The following BRD10 variants were observed in gnomAD, a reference collection of about 807,000 sequenced individuals.
The protein encoded by BRD10 is uncharacterized bromodomain-containing protein 10.
chr9:5,923,725 AT>A, the BRD10 span, among the ~76,000 whole-genome samples: 1 of 152,210 alleles, frequency 6.6e-6, no homozygotes, highest in Admixed American at 6.5e-5. Context: ...TCTCCAATCT[AT>A]TCTATTTCTA....
chr9:5,922,220 G>A, the BRD10 span: 240 of 1,613,988 alleles, frequency 1.5e-4, 1 homozygote, highest in East Asian at 5.3e-3. Flanking sequence ...AGAATCAGCA[G>A]TCTGTTGTGC....
the BRD10 span, among the ~76,000 whole-genome samples, chr9:5,903,097 A>C: frequency 6.6e-6 from 1 of 151,916 alleles, no homozygotes; most frequent in African/African-American, 2.4e-5. Flanking sequence ...TGTTATGTAG[A>C]AGTGTGTTGT....
At chr9:5,922,609 C>A in the BRD10 span, 1 of 1,613,964 alleles carries the variant, frequency 6.2e-7, no homozygotes, top group African/African-American at 1.3e-5. Context: ...CTGTACCTTT[C>A]TGTTGAAGTG....
the BRD10 span, chr9:5,967,925 T>C: frequency 2.6e-6 from 2 of 767,232 alleles, no homozygotes; most frequent in Non-Finnish European, 2.1e-6. Context: ...ACATGTGCAT[T>C]TTACTCTCTC....
the BRD10 span, chr9:5,968,383 C>T: frequency 6.2e-7 from 1 of 1,611,742 alleles, no homozygotes; most frequent in Non-Finnish European, 8.5e-7. Context: ...CGTATTTTTC[C>T]TGATTTTCTA....
chr9:5,907,620 T>C, the BRD10 span, among the ~76,000 whole-genome samples: 1 of 152,270 alleles, frequency 6.6e-6, no homozygotes, highest in African/African-American at 2.4e-5. Context: ...AGATTAATTT[T>C]ACATGTTTCT....
the BRD10 span, among the ~76,000 whole-genome samples, chr9:5,892,780 T>C: frequency 6.6e-6 from 1 of 152,214 alleles, no homozygotes; most frequent in Non-Finnish European, 1.5e-5. Context: ...GGTTGGATCT[T>C]GCCATTTTTG....
the BRD10 span, among the ~76,000 whole-genome samples, chr9:5,895,966 T>C: frequency 6.6e-6 from 1 of 152,150 alleles, no homozygotes; most frequent in Non-Finnish European, 1.5e-5. Flanking sequence ...AGCACAGGCA[T>C]GTTGGGAGTT....
At chr9:5,924,933 T>C in the BRD10 span, 3 of 954,202 alleles carry the variant, frequency 3.1e-6, no homozygotes, top group African/African-American at 1.7e-5. Flanking sequence ...AAACTACATA[T>C]GGAAATATTT....
the BRD10 span, among the ~76,000 whole-genome samples, chr9:5,941,622 C>A: frequency 6.6e-6 from 1 of 152,054 alleles, no homozygotes; most frequent in South Asian, 2.1e-4. Context: ...TTCACATTAA[C>A]CATAAACAAA....
the BRD10 span, chr9:5,968,973 C>T: frequency 4.1e-5 from 66 of 1,609,460 alleles, no homozygotes; most frequent in Non-Finnish European, 4.7e-5. Context: ...AAAGGTAGTT[C>T]GTGAAAAGGT....
At chr9:5,917,347 T>C in the BRD10 span, among the ~76,000 whole-genome samples, 10 of 152,192 alleles carry the variant, frequency 6.6e-5, no homozygotes, top group African/African-American at 2.4e-4. Context: ...TCAAGTGTCT[T>C]GAATTTTCTA....
chr9:5,988,378 T>C, the BRD10 span: 1 of 1,613,802 alleles, frequency 6.2e-7, no homozygotes, highest in Non-Finnish European at 8.5e-7. Context: ...CTGTTCTTCC[T>C]GTCTCAAAAC....
At chr9:6,007,731 C>A in the BRD10 span, 1 of 1,599,502 alleles carries the variant, frequency 6.3e-7, no homozygotes, top group Non-Finnish European at 8.5e-7. Context: ...CCGCCGGTGG[C>A]GGCCGCTCTT....
At chr9:5,962,047 T>G in the BRD10 span, among the ~76,000 whole-genome samples, 4 of 152,312 alleles carry the variant, frequency 2.6e-5, no homozygotes, top group Admixed American at 2.6e-4. Flanking sequence ...CTCTTGCTTT[T>G]CTAGTTCTTT....
the BRD10 span, chr9:5,968,621 T>C: frequency 6.2e-7 from 1 of 1,613,842 alleles, no homozygotes; most frequent in Non-Finnish European, 8.5e-7. Context: ...TTCCTGCTCT[T>C]TCTTGAAGGA....
the BRD10 span, among the ~76,000 whole-genome samples, chr9:5,928,147 C>T: frequency 6.6e-6 from 1 of 152,040 alleles, no homozygotes; most frequent in Non-Finnish European, 1.5e-5. Flanking sequence ...TCATCTTTTT[C>T]ATTCCTCACT....
chr9:5,961,609 A>G, the BRD10 span, among the ~76,000 whole-genome samples: 2 of 152,098 alleles, frequency 1.3e-5, no homozygotes, highest in Non-Finnish European at 2.9e-5. Flanking sequence ...GCCAGGACAT[A>G]TTTTTCTTTT....
the BRD10 span, chr9:5,922,811 A>G: frequency 1.2e-6 from 2 of 1,614,004 alleles, no homozygotes; most frequent in Non-Finnish European, 1.7e-6. Flanking sequence ...TACCATTTGT[A>G]AAGGACCTTT....
Sources: allele counts gnomAD v4.1 joint callset (sites outside exome capture counted in the v4.1 genomes callset), GRCh38; gene constraint gnomAD v4.1.1; transcripts MANE v1.5; gene names NCBI Gene and HGNC (gene_info 2026-07-23, HGNC 2026-07-21).